The following PPP1R12B variants were observed in gnomAD, a reference collection of about 807,000 sequenced individuals.
PPP1R12B encodes myosin phosphatase target subunit 2.
A neutral mutation model predicts 126.1 loss-of-function variants in PPP1R12B; 76 were observed. That is an observed-to-expected ratio of 0.60 (90% CI 0.50 to 0.73). The LOEUF is 0.73. Ranked by LOEUF, PPP1R12B falls within the 30% of genes least tolerant of loss-of-function variation. The pLI is 0.00. For missense variants in PPP1R12B, 1,052 were observed against 1,205.1 expected (o/e 0.87, Z 1.88); for synonymous variants, 356 against 434.7 (o/e 0.82, Z 2.25).
At chr1:202,370,938 C>T (rs976139583) in intron 1 of PPP1R12B, among the ~76,000 whole-genome samples, 1 of 151,430 alleles carries the variant, frequency 6.6e-6, no homozygotes, top group African/African-American at 2.4e-5. Flanking sequence ...CTGTTTGCTC[C>T]ACATCTTTGT....
intron 13 of PPP1R12B, among the ~76,000 whole-genome samples, chr1:202,478,491 TA>T (rs1676957173): frequency 6.6e-6 from 1 of 152,190 alleles, no homozygotes. Flanking sequence ...GTTCAAGTAC[TA>T]GAATTTATGG....
chr1:202,389,430 G>A (rs546579831), intron 1 of PPP1R12B, among the ~76,000 whole-genome samples: 1 of 151,550 alleles, frequency 6.6e-6, no homozygotes, highest in Admixed American at 6.6e-5. Context: ...GGATCACAAG[G>A]TCAGGAGATC....
chr1:202,544,606 T>C (rs1203173022), intron 18 of PPP1R12B, among the ~76,000 whole-genome samples: 4 of 152,232 alleles, frequency 2.6e-5, no homozygotes, highest in Non-Finnish European at 5.9e-5. Context: ...TTTCATTGAA[T>C]TGGTATTTGT....
intron 1 of PPP1R12B, among the ~76,000 whole-genome samples, chr1:202,390,232 A>G (rs1663918510): frequency 6.6e-6 from 1 of 152,220 alleles, no homozygotes; most frequent in South Asian, 2.1e-4. Flanking sequence ...ATAACATGCA[A>G]AAGAATGAAG....
In PPP1R12B at chr1:202,587,365, C is replaced by T. The variant is rs1473112412; in HGVS notation, c.*6805C>T. The T allele has an allele frequency of 1.3e-5, 2 of 152,240 alleles. No individual in the cohort carries two copies. 9.4% of individuals were successfully genotyped at this position (152,240 alleles called of 1,614,324 possible). ...TACCAACCACCACCACCACCGCCCC[C>T]TATTCCAGTTTCAAAGCTCCTCGGC... On this transcript the variant is annotated 3_prime_UTR_variant, in exon 24 of 24. Transcript: ENST00000608999.
chr1:202,564,537 A>G lies in PPP1R12B; in HGVS notation c.2747A>G (p.Lys916Arg). The G allele has an allele frequency of 6.2e-7, 1 of 1,609,196 alleles. No individual in the cohort carries two copies. The highest frequency in any genetic ancestry group is 8.5e-7 in the Non-Finnish European group (1 of 1,176,850). The change falls in exon 21 of 24, where the codon AAG (lysine) becomes AGG (arginine). Residue 916 changes from lysine (K) to arginine (R), a missense_variant. Lys to Arg is a conservative substitution (Grantham distance 26, BLOSUM62 2). Coordinates refer to ENST00000608999, the MANE Select transcript of PPP1R12B (RefSeq NM_002481.4). The part of the protein sequence containing the change: ...ELADIKSKLE[K>R]VAQQKQEKTS... ...GCAGATATAAAGTCCAAGCTTGAGA[A>G]GGTGGCCCAGGTAAGACGGAAGAAG...
chr1:202,471,333 A>G (rs1288248200), intron 13 of PPP1R12B, among the ~76,000 whole-genome samples: 50 of 151,496 alleles, frequency 3.3e-4, no homozygotes, highest in Admixed American at 3.3e-3. Flanking sequence ...ATGGACATTT[A>G]GGTATTTAGG....
intron 20 of PPP1R12B, 95 bp downstream of exon 20, chr1:202,563,017 AAGC>A: frequency 7.4e-7 from 1 of 1,352,158 alleles, no homozygotes; most frequent in Admixed American, 2.8e-5. Flanking sequence ...AGCTCTGAAT[AAGC>A]AGAAGAAAAG....
chr1:202,380,604 C>G (rs983463284), intron 1 of PPP1R12B, among the ~76,000 whole-genome samples: 2 of 152,174 alleles, frequency 1.3e-5, no homozygotes, highest in African/African-American at 2.4e-5. Flanking sequence ...TCAACACCCC[C>G]CCCATTCCTT....
At chr1:202,576,947 A>C (rs1558396174) in intron 23 of PPP1R12B, 1 of 152,204 alleles carries the variant, frequency 6.6e-6, no homozygotes, top group African/African-American at 2.4e-5. Flanking sequence ...TCACCACTGT[A>C]ATATAAGCTG....
At chr1:202,468,662 G>A (rs182779365) in intron 13 of PPP1R12B, among the ~76,000 whole-genome samples, 18 of 152,132 alleles carry the variant, frequency 1.2e-4, no homozygotes, top group Non-Finnish European at 2.4e-4. Flanking sequence ...GTAAAGAAGG[G>A]TAAAGTGGTG....
At chr1:202,548,804 C>CTATATATATATATA (rs1321500598) in intron 18 of PPP1R12B, among the ~76,000 whole-genome samples, 2 of 82,254 alleles carry the variant, frequency 2.4e-5, no homozygotes, top group Non-Finnish European at 2.7e-5. Flanking sequence ...CTCTCTCTCT[C>CTATATATATATATA]TCTCTATATA....
intron 18 of PPP1R12B, among the ~76,000 whole-genome samples, chr1:202,532,905 T>C (rs552879152): frequency 2.1e-5 from 3 of 141,312 alleles, no homozygotes; most frequent in Non-Finnish European, 3.0e-5. Context: ...GTTTCACTCA[T>C]GTTGCCCAGG....
intron 1 of PPP1R12B, among the ~76,000 whole-genome samples, chr1:202,377,939 C>T (rs1217217603): frequency 6.9e-6 from 1 of 145,610 alleles, no homozygotes; most frequent in African/African-American, 2.6e-5. Context: ...CCCGGGTTCA[C>T]GCCATTCTCC....
At chr1:202,465,445 C>T (rs1205323917) in intron 13 of PPP1R12B, among the ~76,000 whole-genome samples, 2 of 152,186 alleles carry the variant, frequency 1.3e-5, no homozygotes, top group African/African-American at 4.8e-5. Context: ...AAATTGAAAA[C>T]TTGCTAGCCT....
rs1689947755 is a variant in PPP1R12B at position 202,588,329 on chromosome 1, G to GTGGGGT, written c.*7778_*7783dup. 1.3e-5 allele frequency: 2 copies of GTGGGGT among 152,734 alleles called. No homozygotes were observed. The highest frequency in any genetic ancestry group is 1.9e-4 in the East Asian group (1 of 5,176). The allele number at this position is 152,734 out of a possible 1,614,324, so 9.5% of individuals were successfully genotyped here. A position where few individuals can be genotyped will look rare whatever the true frequency, so the allele number is the denominator to read the frequency against. On this transcript the variant is annotated 3_prime_UTR_variant, in exon 24 of 24. Transcript: ENST00000608999. ...CCACTGTAAATACACCTGGGATGGG[G>GTGGGGT]TGGGGTTGGGGTTGTTTAGGGAGAA...
chr1:202,406,714 G>GT (rs1666647959), intron 1 of PPP1R12B, among the ~76,000 whole-genome samples: 1 of 151,986 alleles, frequency 6.6e-6, no homozygotes, highest in African/African-American at 2.4e-5. Flanking sequence ...TTCCTTTACT[G>GT]TTTTGTTATA....
intron 12 of PPP1R12B, among the ~76,000 whole-genome samples, chr1:202,444,386 C>G (rs1016950922): frequency 2.6e-5 from 4 of 152,174 alleles, no homozygotes; most frequent in African/African-American, 9.7e-5. Flanking sequence ...TCTTACCTGT[C>G]TTCAATCAAA....
At chr1:202,390,997 C>A (rs575995893) in intron 1 of PPP1R12B, among the ~76,000 whole-genome samples, 1 of 152,084 alleles carries the variant, frequency 6.6e-6, no homozygotes, top group Admixed American at 6.5e-5. Flanking sequence ...CTGGAAGCAT[C>A]GCTTGCAGTG....
Sources: allele counts gnomAD v4.1 joint callset (sites outside exome capture counted in the v4.1 genomes callset), GRCh38; gene constraint gnomAD v4.1.1; transcripts MANE v1.5; gene names NCBI Gene and HGNC (gene_info 2026-07-23, HGNC 2026-07-21).